The following APPBP2 variants were observed in gnomAD, a reference collection of about 807,000 sequenced individuals.
The protein encoded by APPBP2 is amyloid protein-binding protein 2.
A neutral mutation model predicts 76.0 loss-of-function variants in APPBP2; 15 were observed. The ratio of observed to expected loss-of-function variants is 0.20; its 90% CI spans 0.13 to 0.30. The LOEUF is 0.30. Among genes scored for constraint, APPBP2 ranks in the 10% least tolerant of loss-of-function variants. The pLI is 1.00. For synonymous variants in APPBP2, 222 were observed against 242.2 expected (o/e 0.92, Z 0.77); for missense variants, 401 against 687.2 (o/e 0.58, Z 4.66).
chr17:60,469,313 AGACT>A (rs1291225019), intron 4 of APPBP2, among the ~76,000 whole-genome samples: 1 of 147,338 alleles, frequency 6.8e-6, no homozygotes, highest in Non-Finnish European at 1.5e-5. Context: ...CGACAGAGCA[AGACT>A]CCATCTCAAA....
intron 3 of APPBP2, among the ~76,000 whole-genome samples, chr17:60,488,080 C>A (rs1322652380): frequency 6.6e-6 from 1 of 152,216 alleles, no homozygotes; most frequent in Non-Finnish European, 1.5e-5. Context: ...CTGATCCTTC[C>A]TCTGGAAGCT....
rs2090340769 is a variant in APPBP2 at position 60,445,742 on chromosome 17, T to C, written c.*1839A>G. On this transcript the variant is annotated 3_prime_UTR_variant, in exon 13 of 13. Coordinates refer to ENST00000083182, the MANE Select transcript of APPBP2 (RefSeq NM_006380.5). ...GGGGGGCAGCTTCATAAACTGCAAG[T>C]ACGTCAATTTACTCTTTCCAAAATT... 6.6e-6 allele frequency: 1 copy of C among 152,192 alleles called. No homozygotes were observed. The highest frequency in any genetic ancestry group is 2.4e-5 in the African/African-American group (1 of 41,442). The allele number at this position is 152,192 out of a possible 1,614,324, so 9.4% of individuals were successfully genotyped here.
At chr17:60,476,151 T>C (rs1163834903) in intron 4 of APPBP2, among the ~76,000 whole-genome samples, 1 of 152,138 alleles carries the variant, frequency 6.6e-6, no homozygotes, top group Non-Finnish European at 1.5e-5. Flanking sequence ...TAAATGGAAA[T>C]AGGCAGAGTC....
chr17:60,518,844 T>TC (rs1386000985), intron 1 of APPBP2, among the ~76,000 whole-genome samples: 2 of 152,200 alleles, frequency 1.3e-5, no homozygotes, highest in Non-Finnish European at 2.9e-5. Context: ...TTCTTTTTTT[T>TC]CCTTCTGGGC....
intron 1 of APPBP2, among the ~76,000 whole-genome samples, chr17:60,525,434 T>G (rs1033030420): frequency 6.6e-6 from 1 of 151,648 alleles, no homozygotes; most frequent in Non-Finnish European, 1.5e-5. Context: ...GACACTTAAT[T>G]GGAAGGAGAG....
rs966059511 is a variant in APPBP2 at position 60,513,180 on chromosome 17, C to A, written c.138+12614G>T. 6.5e-5 allele frequency: 23 copies of A among 356,496 alleles called. No homozygotes were observed. In the Admixed American group the frequency reaches 7.0e-4, roughly 11 times the overall value. 22.1% of individuals were successfully genotyped at this position (356,496 alleles called of 1,614,324 possible). A position where few individuals can be genotyped will look rare whatever the true frequency, so the allele number is the denominator to read the frequency against. ...TTGCTACAGTAACCTCATCAGCCTG[C>A]CAAGACAGCAGTGCAAGCGGCCAAG... On this transcript the variant is annotated intron_variant, in intron 1 of 12. Coordinates refer to ENST00000083182, the MANE Select transcript of APPBP2 (RefSeq NM_006380.5).
At position 60,445,345 on chromosome 17, in the gene APPBP2, G is replaced by A. The variant is rs932191720; in HGVS notation, c.*2236C>T. 6.6e-6 allele frequency: 1 copy of A among 152,568 alleles called. No individual in the cohort carries two copies. Among genetic ancestry groups the A allele is most frequent in the Non-Finnish European group, 1.5e-5 (1 of 68,022 alleles). The allele number at this position is 152,568 out of a possible 1,614,324, so 9.5% of individuals were successfully genotyped here. The stretch of plus-strand genomic sequence containing the variant: ...TGTTTTATCACTGAGTGTGAGCTAA[G>A]TTGAGTTCAAATGGAGTTAGGGAGG... On this transcript the variant is annotated 3_prime_UTR_variant, in exon 13 of 13. Transcript: ENST00000083182.
chr17:60,525,689 T>G lies in APPBP2; in HGVS notation c.138+105A>C, dbSNP rs969920179. ...CACCAGACGTTTCGGGAGGCAAGTC[T>G]GCCGGAAGGGGTGAGGGGTTAACTG... On this transcript the variant is annotated intron_variant, in intron 1 of 12. Coordinates refer to ENST00000083182, the MANE Select transcript of APPBP2 (RefSeq NM_006380.5). 5.9e-6 allele frequency: 9 copies of G among 1,534,384 alleles called. No homozygotes were observed. In the Admixed American group the frequency reaches 1.8e-4, roughly 31 times the overall value.
chr17:60,476,707 TGCTAAAAAGACA>T (rs2143372068), intron 4 of APPBP2, among the ~76,000 whole-genome samples: 1 of 152,316 alleles, frequency 6.6e-6, no homozygotes, highest in South Asian at 2.1e-4. Context: ...CACATGTGCT[TGCTAAAAAGACA>T]GCTAGTTCTG....
chr17:60,469,751 A>G (rs1303293399), intron 4 of APPBP2, among the ~76,000 whole-genome samples: 1 of 152,202 alleles, frequency 6.6e-6, no homozygotes, highest in African/African-American at 2.4e-5. Context: ...ATATATGTAA[A>G]TGCCAAATTT....
At chr17:60,450,226 T>G (rs112390774) in intron 12 of APPBP2, among the ~76,000 whole-genome samples, 1 of 151,158 alleles carries the variant, frequency 6.6e-6, no homozygotes, top group African/African-American at 2.4e-5. Flanking sequence ...ATCACGAGGT[T>G]AAGAGATTGA....
At chr17:60,484,985 T>A (rs2090661708) in intron 3 of APPBP2, among the ~76,000 whole-genome samples, 1 of 152,206 alleles carries the variant, frequency 6.6e-6, no homozygotes, top group Non-Finnish European at 1.5e-5. Context: ...TGTCTTTGGT[T>A]CTGTTTATGT....
rs894128725 is a variant in APPBP2, at chr17:60,526,030, G to A, written c.-99C>T. 2 of 1,262,400 alleles carry A rather than the reference G, an allele frequency of 1.6e-6. No individual in the cohort carries two copies. The highest frequency in any genetic ancestry group is 1.5e-5 in the African/African-American group (1 of 65,680). The allele number at this position is 1,262,400 out of a possible 1,614,324, so 78.2% of individuals were successfully genotyped here. A position where few individuals can be genotyped will look rare whatever the true frequency, so the allele number is the denominator to read the frequency against. The stretch of plus-strand genomic sequence containing the variant: ...TCTGCGGCCCCGGAGGATTCGGAGG[G>A]GCGGTGGCAGCCACGCGGGCGCACG... On this transcript the variant is annotated 5_prime_UTR_variant, in exon 1 of 13. Transcript: ENST00000083182.
intron 4 of APPBP2, among the ~76,000 whole-genome samples, chr17:60,476,763 T>A (rs183005993): frequency 6.6e-6 from 1 of 152,312 alleles, no homozygotes. Context: ...TAATTTATTT[T>A]AAAATTTTTT....
intron 1 of APPBP2, among the ~76,000 whole-genome samples, chr17:60,514,963 C>A (rs190652691): frequency 2.6e-5 from 4 of 152,094 alleles, no homozygotes; most frequent in African/African-American, 9.6e-5. Flanking sequence ...GCCACCATGC[C>A]CAGCTAATTT....
At chr17:60,479,102 C>G (rs201247571) in intron 4 of APPBP2, 46 bp downstream of exon 4, 102 of 1,577,498 alleles carry the variant, frequency 6.5e-5, no homozygotes, top group Non-Finnish European at 8.2e-5. Flanking sequence ...ATAAAAGCCA[C>G]TAAATACTGT....
At chr17:60,523,664 A>G (rs1446630356) in intron 1 of APPBP2, among the ~76,000 whole-genome samples, 1 of 151,998 alleles carries the variant, frequency 6.6e-6, no homozygotes, top group Non-Finnish European at 1.5e-5. Flanking sequence ...CCCCATCTCT[A>G]TTTTTTTTAA....
At chr17:60,494,215 A>C (rs1429026723) in intron 3 of APPBP2, among the ~76,000 whole-genome samples, 1 of 152,226 alleles carries the variant, frequency 6.6e-6, no homozygotes, top group Non-Finnish European at 1.5e-5. Flanking sequence ...CAGTTACTCA[A>C]CTTTTCTGAG....
intron 5 of APPBP2, among the ~76,000 whole-genome samples, chr17:60,465,551 C>T (rs1328258414): frequency 1.3e-5 from 2 of 152,118 alleles, no homozygotes; most frequent in African/African-American, 4.8e-5. Flanking sequence ...ACAGTATAAA[C>T]CCCTAAATCC....
Sources: gnomAD v4.1 joint callset for allele counts (sites outside exome capture counted in the v4.1 genomes callset) on GRCh38, gnomAD v4.1.1 for gene constraint, MANE v1.5 for transcripts, NCBI Gene and HGNC (gene_info 2026-07-23, HGNC 2026-07-21) for gene names.